Variants in CCDC13 observed in about 807,000 individuals in gnomAD.
CCDC13 encodes the protein coiled-coil domain-containing protein 13.
CCDC13 carries 70 observed loss-of-function variants against 87.3 expected under a neutral mutation model. The ratio of observed to expected loss-of-function variants is 0.80; its 90% CI spans 0.66 to 0.98. The LOEUF is 0.98. Ranked by LOEUF, CCDC13 falls within the 50% of genes least tolerant of loss-of-function variation. CCDC13 has a pLI of 0.00. For synonymous variants in CCDC13, 317 were observed against 360.3 expected, an observed-to-expected ratio of 0.88 and a Z score of 1.36; for missense variants, 842 against 892.0, an observed-to-expected ratio of 0.94 and a Z score of 0.71.
chr3:42,712,646 G>A (rs1205836093), intron 14 of CCDC13, among the ~76,000 whole-genome samples: 2 of 152,192 alleles, frequency 1.3e-5, no homozygotes, highest in Non-Finnish European at 2.9e-5. Flanking sequence ...GGCAGTCATT[G>A]TAGACCAGAA....
At chr3:42,721,964 C>A (rs957585661) in intron 13 of CCDC13, among the ~76,000 whole-genome samples, 1 of 152,306 alleles carries the variant, frequency 6.6e-6, no homozygotes, top group Admixed American at 6.5e-5. Context: ...GGCTAGCAAC[C>A]CCATATCAGC....
At chr3:42,712,321 C>T (rs55884426) in intron 14 of CCDC13, among the ~76,000 whole-genome samples, 35,199 of 151,894 alleles carry the variant, frequency 0.23, 4,330 homozygotes, top group Non-Finnish European at 0.28. Context: ...AGGCCCAGCC[C>T]CTCCACATTG....
At chr3:42,758,051 A>G in intron 2 of CCDC13, 74 bp downstream of exon 2, 1 of 1,234,442 alleles carries the variant, frequency 8.1e-7, no homozygotes, top group Non-Finnish European at 1.1e-6. Context: ...GTTTTGCTAT[A>G]GCTCCGGTGG....
At chr3:42,717,324 G>T (rs1051549544) in intron 13 of CCDC13, among the ~76,000 whole-genome samples, 6 of 151,864 alleles carry the variant, frequency 4.0e-5, no homozygotes, top group Admixed American at 2.0e-4. Flanking sequence ...TATTTGGGAG[G>T]CTGAGACAGA....
intron 1 of CCDC13, among the ~76,000 whole-genome samples, chr3:42,772,007 C>T (rs1414778386): frequency 6.6e-6 from 1 of 151,916 alleles, no homozygotes; most frequent in Non-Finnish European, 1.5e-5. Context: ...CGTGGTGGCT[C>T]ATGCGTGTAA....
At chr3:42,743,587 T>TTATATATATATATATATATATA (rs1553690701) in intron 7 of CCDC13, among the ~76,000 whole-genome samples, 7,177 of 96,704 alleles carry the variant, frequency 0.074, 318 homozygotes, top group South Asian at 0.096. Flanking sequence ...CTGGATAATT[T>TTATATATATATATATATATATA]TATATATATA....
At chr3:42,766,412 C>A (rs532677105) in intron 1 of CCDC13, among the ~76,000 whole-genome samples, 2 of 151,950 alleles carry the variant, frequency 1.3e-5, no homozygotes, top group Non-Finnish European at 2.9e-5. Flanking sequence ...CAAGTAACAG[C>A]CTGACGGGTT....
chr3:42,730,896 C>G (rs2125881784), intron 12 of CCDC13, among the ~76,000 whole-genome samples: 1 of 152,138 alleles, frequency 6.6e-6, no homozygotes, highest in East Asian at 1.9e-4. Context: ...TCTTGGGGAC[C>G]TGGGGTGCCC....
At chr3:42,723,311 G>T (rs1281833351) in intron 13 of CCDC13, among the ~76,000 whole-genome samples, 1 of 152,142 alleles carries the variant, frequency 6.6e-6, no homozygotes, top group Admixed American at 6.5e-5. Flanking sequence ...CAGACTAAAA[G>T]GACTCATATG....
intron 5 of CCDC13, among the ~76,000 whole-genome samples, chr3:42,748,246 G>T (rs577607603): frequency 1.3e-5 from 2 of 152,356 alleles, no homozygotes; most frequent in South Asian, 4.1e-4. Context: ...ATGAAAATAA[G>T]GCCCAGAGAG....
intron 13 of CCDC13, among the ~76,000 whole-genome samples, chr3:42,727,497 A>C (rs1698718328): frequency 6.6e-6 from 1 of 152,358 alleles, no homozygotes; most frequent in East Asian, 1.9e-4. Flanking sequence ...AAGTGAACCT[A>C]GAAGGAAGAT....
At position 42,713,175 on chromosome 3, in the gene CCDC13, G is replaced by A. The variant is rs1410199863; in HGVS notation, c.1860C>T (p.Pro620=). 6.2e-7 allele frequency: 1 copy of A among 1,613,860 alleles called. No individual in the cohort carries two copies. Among genetic ancestry groups the A allele is most frequent in the African/African-American group, 1.3e-5 (1 of 74,948 alleles). Residue 620 remains proline (P), a synonymous_variant, in exon 14 of 16, where the codon CCC becomes CCT. Coordinates refer to ENST00000310232, the MANE Select transcript of CCDC13 (RefSeq NM_144719.4). ...GKASASQRAA[P]RTKTGLPTSN... is the part of the protein sequence containing the mutation. ...CCTGGCCCCTACCTGTTTTGGTCCT[G>A]GGAGCTGCTCTCTGGGAGGCTGATG...
chr3:42,726,690 A>G (rs1383276698), intron 13 of CCDC13, among the ~76,000 whole-genome samples: 2 of 151,862 alleles, frequency 1.3e-5, no homozygotes, highest in African/African-American at 4.8e-5. Context: ...TTACATATAC[A>G]TACATACAAA....
At chr3:42,752,799 G>A in intron 3 of CCDC13, 82 bp from the exon 4 acceptor site, 1 of 1,536,016 alleles carries the variant, frequency 6.5e-7, no homozygotes, top group South Asian at 1.2e-5. Context: ...CAGCACCAGG[G>A]TCTTAAAAGC....
rs759887046 is a variant in CCDC13, at chr3:42,758,074, C to G, written c.221+51G>C. On this transcript the variant is annotated intron_variant, in intron 2 of 15. Transcript: ENST00000310232. Reference sequence around the variant, plus strand: ...ATAGCTCCGGTGGTACACACACACACACACACACACACACACACACACCCC... The same window carrying G: ...ATAGCTCCGGTGGTACACACACACAGACACACACACACACACACACACCCC... The G allele has an allele frequency of 4.2e-6, 6 of 1,437,414 alleles. No individual in the cohort carries two copies. In the South Asian group the frequency reaches 5.8e-5, roughly 14 times the overall value. 89.0% of individuals were successfully genotyped at this position (1,437,414 alleles called of 1,614,324 possible).
chr3:42,747,951 C>A (rs1264450244), intron 5 of CCDC13, among the ~76,000 whole-genome samples: 4 of 152,224 alleles, frequency 2.6e-5, no homozygotes, highest in Non-Finnish European at 5.9e-5. Flanking sequence ...GGGCCTTGGG[C>A]TCTCTTTCCT....
chr3:42,727,118 T>A (rs1698708579), intron 13 of CCDC13, among the ~76,000 whole-genome samples: 1 of 152,192 alleles, frequency 6.6e-6, no homozygotes, highest in Admixed American at 6.5e-5. Context: ...ATGCCCTTAC[T>A]CCCAGCACTT....
chr3:42,718,410 A>G (rs1460695552), intron 13 of CCDC13, among the ~76,000 whole-genome samples: 2 of 152,234 alleles, frequency 1.3e-5, no homozygotes, highest in African/African-American at 2.4e-5. Context: ...AGAAATAACC[A>G]TAAAAACGGG....
chr3:42,749,789 G>A (rs1449419148), intron 5 of CCDC13: 9 of 448,632 alleles, frequency 2.0e-5, no homozygotes, highest in African/African-American at 6.0e-5. Flanking sequence ...CGCAGTACAT[G>A]GGGAGCAGAT....
Sources: gnomAD v4.1 joint callset for allele counts (sites outside exome capture counted in the v4.1 genomes callset) on GRCh38, gnomAD v4.1.1 for gene constraint, MANE v1.5 for transcripts, NCBI Gene and HGNC (gene_info 2026-07-23, HGNC 2026-07-21) for gene names.